CACNA2D1: variants seen among roughly 807,000 people sequenced by gnomAD.
CACNA2D1 encodes calcium voltage-gated channel auxiliary subunit alpha2delta 1.
A neutral mutation model predicts 171.5 loss-of-function variants in CACNA2D1; 53 were observed. That is an observed-to-expected ratio of 0.31 (90% CI 0.25 to 0.39). The LOEUF (loss-of-function observed/expected upper bound fraction) is 0.39. Ranked by LOEUF, CACNA2D1 falls within the 10% of genes least tolerant of loss-of-function variation. The pLI, the probability that CACNA2D1 is intolerant of heterozygous loss-of-function variation, is 1.00. For missense variants in CACNA2D1, 903 were observed against 1,299.8 expected (o/e 0.69, Z 4.69); for synonymous variants, 442 against 443.1 (o/e 1.00, Z 0.03).
At chr7:82,003,926 G>A (rs1279972091) in intron 18 of CACNA2D1, among the ~76,000 whole-genome samples, 1 of 151,894 alleles carries the variant, frequency 6.6e-6, no homozygotes, top group Non-Finnish European at 1.5e-5. Context: ...TGTATTTTTA[G>A]TAGAGACAGG....
chr7:81,994,528 T>C (rs1797850301), intron 20 of CACNA2D1, among the ~76,000 whole-genome samples: 1 of 152,124 alleles, frequency 6.6e-6, no homozygotes, highest in South Asian at 2.1e-4. Context: ...TTTTGTAACA[T>C]TGGCATAGTG....
At chr7:82,112,415 A>G (rs910863031) in intron 6 of CACNA2D1, among the ~76,000 whole-genome samples, 2 of 152,224 alleles carry the variant, frequency 1.3e-5, no homozygotes, top group South Asian at 4.1e-4. Context: ...CAGTATGACA[A>G]GCTAGTATCA....
chr7:82,288,717 A>G (rs1322695517), intron 3 of CACNA2D1, among the ~76,000 whole-genome samples: 2 of 152,174 alleles, frequency 1.3e-5, no homozygotes, highest in East Asian at 1.9e-4. Context: ...TGGGACCCAA[A>G]AGAACAGCTG....
intron 1 of CACNA2D1, among the ~76,000 whole-genome samples, chr7:82,436,173 A>G (rs1365802662): frequency 1.3e-5 from 2 of 152,192 alleles, no homozygotes; most frequent in Admixed American, 1.3e-4. Flanking sequence ...GAATTAAATT[A>G]TATTTGGTGT....
intron 1 of CACNA2D1, among the ~76,000 whole-genome samples, chr7:82,438,626 T>C (rs917187): frequency 0.66 from 99,761 of 152,094 alleles, 33,771 homozygotes; most frequent in African/African-American, 0.83. Flanking sequence ...AGCCCATTCC[T>C]AGTTTACTGG....
At chr7:82,408,511 T>G (rs1045075229) in intron 1 of CACNA2D1, among the ~76,000 whole-genome samples, 5 of 152,114 alleles carry the variant, frequency 3.3e-5, no homozygotes, top group African/African-American at 1.2e-4. Flanking sequence ...TTTTACTAAA[T>G]AAAGGTAATT....
In CACNA2D1 at chr7:82,443,777, T is replaced by C; in HGVS notation, c.-318A>G. 9.5e-7 allele frequency: 1 copy of C among 1,052,614 alleles called. No homozygotes were observed. Among genetic ancestry groups the C allele is most frequent in the Non-Finnish European group, 1.2e-6 (1 of 825,690 alleles). 65.2% of individuals were successfully genotyped at this position (1,052,614 alleles called of 1,614,324 possible). A position where few individuals can be genotyped will look rare whatever the true frequency, so the allele number is the denominator to read the frequency against. On this transcript the variant is annotated 5_prime_UTR_variant, in exon 1 of 39. Coordinates refer to ENST00000356860, the MANE Select transcript of CACNA2D1 (RefSeq NM_000722.4). ...CCCGCCGGCGCTCGCGCGCTCTCGC[T>C]CTCCCTCTCGGTTTCCTCCCTGATT...
rs762438944 is a variant in CACNA2D1, at chr7:81,950,455, A to T, written c.3213T>A (p.Tyr1071Ter). ...GTAGTAGAAACTGGATTCCAATGAT[A>T]TACCACAGGGAGGGATTTAATCCAG... ...GVSGLNPSLW[Y>*]IIGIQFLLLW... Residue 1071 changes from tyrosine (Y) to a stop codon, truncating the protein, a stop_gained, in exon 39 of 39, where the codon TAT becomes TAA. Coordinates refer to ENST00000356860, the MANE Select transcript of CACNA2D1 (RefSeq NM_000722.4). LOFTEE classifies it high-confidence loss of function. 1 of 1,613,342 alleles carries T rather than the reference A, an allele frequency of 6.2e-7. No individual in the cohort carries two copies. The highest frequency in any genetic ancestry group is 8.5e-7 in the Non-Finnish European group (1 of 1,179,626).
chr7:82,178,670 A>G (rs970914227), intron 3 of CACNA2D1, among the ~76,000 whole-genome samples: 3 of 152,144 alleles, frequency 2.0e-5, no homozygotes, highest in Admixed American at 1.3e-4. Context: ...GCTATTAGAC[A>G]TATGGATTGA....
chr7:82,194,418 T>C (rs917188719), intron 3 of CACNA2D1, among the ~76,000 whole-genome samples: 3 of 152,076 alleles, frequency 2.0e-5, no homozygotes, highest in Non-Finnish European at 2.9e-5. Context: ...AAAAAGTTTC[T>C]TCTCTTAATG....
intron 10 of CACNA2D1, among the ~76,000 whole-genome samples, chr7:82,052,368 G>A (rs921843128): frequency 6.6e-6 from 1 of 152,024 alleles, no homozygotes; most frequent in African/African-American, 2.4e-5. Flanking sequence ...ACACATGCAC[G>A]CACACATACA....
intron 24 of CACNA2D1, among the ~76,000 whole-genome samples, chr7:81,979,341 G>A (rs1396749045): frequency 6.6e-6 from 1 of 152,044 alleles, no homozygotes; most frequent in Non-Finnish European, 1.5e-5. Flanking sequence ...CTACAGAAAT[G>A]GTTCATACAC....
chr7:82,157,153 T>C (rs994178038), intron 4 of CACNA2D1, among the ~76,000 whole-genome samples: 2 of 152,144 alleles, frequency 1.3e-5, no homozygotes, highest in Non-Finnish European at 2.9e-5. Context: ...TTTCTTGTCA[T>C]GCTGTTTTTA....
rs758130728 is a variant in CACNA2D1 at position 82,207,181 on chromosome 7, G to A, written c.295-36572C>T. 5.9e-5 allele frequency among the ~76,000 whole-genome samples: 9 copies of A among 152,174 alleles called. No homozygotes were observed. The South Asian group carries it at 6.2e-4, about 10-fold the overall frequency. On this transcript the variant is annotated intron_variant, in intron 3 of 38. Coordinates refer to ENST00000356860, the MANE Select transcript of CACNA2D1 (RefSeq NM_000722.4). ...CATATTTTCAAAAACTTGGGGTGGG[G>A]AGCTGGTAGGTGTCAGAGGGTATTA...
At chr7:82,140,087 G>A (rs1050527151) in intron 4 of CACNA2D1, among the ~76,000 whole-genome samples, 1 of 151,752 alleles carries the variant, frequency 6.6e-6, no homozygotes, top group Non-Finnish European at 1.5e-5. Context: ...CACCATGCCC[G>A]GCCTTGACAT....
intron 3 of CACNA2D1, among the ~76,000 whole-genome samples, chr7:82,184,049 G>A (rs1797413889): frequency 2.0e-5 from 3 of 150,544 alleles, no homozygotes; most frequent in African/African-American, 7.3e-5. Context: ...TAATTAACTT[G>A]CACAGGCTGC....
intron 6 of CACNA2D1, among the ~76,000 whole-genome samples, chr7:82,095,688 G>C (rs149898517): frequency 6.6e-6 from 1 of 152,184 alleles, no homozygotes; most frequent in Non-Finnish European, 1.5e-5. Flanking sequence ...ATGAAAGAGT[G>C]TGTGAATATA....
At chr7:82,105,398 CTT>C (rs572031121) in intron 6 of CACNA2D1, among the ~76,000 whole-genome samples, 33,470 of 99,152 alleles carry the variant, frequency 0.34, 4,226 homozygotes, top group East Asian at 0.4. Context: ...CAGTTTTTGT[CTT>C]TTTTTTTTTT....
At chr7:82,247,993 GC>G (rs1227599411) in intron 3 of CACNA2D1, among the ~76,000 whole-genome samples, 2 of 152,082 alleles carry the variant, frequency 1.3e-5, no homozygotes, top group African/African-American at 4.8e-5. Flanking sequence ...TAAGCAATAG[GC>G]ATTAAACAGC....
Sources: allele counts gnomAD v4.1 joint callset (sites outside exome capture counted in the v4.1 genomes callset), GRCh38; gene constraint gnomAD v4.1.1; transcripts MANE v1.5; gene names NCBI Gene and HGNC (gene_info 2026-07-23, HGNC 2026-07-21).